Variants in TTC27 observed in about 807,000 individuals in gnomAD.
The protein encoded by TTC27 is tetratricopeptide repeat domain 27, also known as tetratricopeptide repeat protein 27.
A neutral mutation model predicts 115.9 loss-of-function variants in TTC27; 79 were observed. The observed-to-expected ratio is 0.68, with a 90% CI of 0.57 to 0.82. The LOEUF is 0.82. Among genes scored for constraint, TTC27 ranks in the 40% least tolerant of loss-of-function variants. TTC27 has a pLI of 0.00. For synonymous variants in TTC27, 401 were observed against 356.0 expected, an observed-to-expected ratio of 1.13 and a Z score of -1.42; for missense variants, 1,054 against 993.1, an observed-to-expected ratio of 1.06 and a Z score of -0.82.
chr2:32,695,354 C>T (rs985371592), intron 9 of TTC27, among the ~76,000 whole-genome samples: 1 of 152,010 alleles, frequency 6.6e-6, no homozygotes, highest in African/African-American at 2.4e-5. Flanking sequence ...GAGGCCAAGG[C>T]GGGTGGATCA....
chr2:32,636,307 G>A (rs1410833843), intron 3 of TTC27, among the ~76,000 whole-genome samples: 4 of 151,984 alleles, frequency 2.6e-5, no homozygotes, highest in East Asian at 3.9e-4. Flanking sequence ...TCTGCCTCCC[G>A]GGTTCAAATG....
intron 13 of TTC27, among the ~76,000 whole-genome samples, chr2:32,766,848 C>T (rs768092514): frequency 2.0e-5 from 3 of 152,086 alleles, no homozygotes; most frequent in African/African-American, 4.8e-5. Flanking sequence ...TGCAGTGGTG[C>T]GATCTCTGCT....
At chr2:32,669,561 T>C (rs1381111955) in intron 7 of TTC27, among the ~76,000 whole-genome samples, 1 of 152,184 alleles carries the variant, frequency 6.6e-6, no homozygotes. Context: ...ATACCATTTA[T>C]AGTGATTACA....
chr2:32,628,255 C>T lies in TTC27; in HGVS notation c.-38C>T, dbSNP rs1244927698. The T allele has an allele frequency of 3.8e-6, 6 of 1,580,024 alleles. No individual in the cohort carries two copies. The African/African-American group carries it at 4.0e-5, about 11-fold the overall frequency. ...CTTTTGTTGACTCCCGTGTGGCCCT[C>T]GTGGGAGCCTGTTTTGGCTGCAGCG... On this transcript the variant is annotated 5_prime_UTR_variant, in exon 1 of 20. Transcript: ENST00000317907.
intron 10 of TTC27, among the ~76,000 whole-genome samples, chr2:32,716,064 G>A (rs1308642955): frequency 6.6e-6 from 1 of 152,048 alleles, no homozygotes; most frequent in South Asian, 2.1e-4. Flanking sequence ...TTTTCCTCTT[G>A]CTTGCCTTTC....
At chr2:32,686,795 G>A (rs959268710) in intron 9 of TTC27, among the ~76,000 whole-genome samples, 4 of 152,126 alleles carry the variant, frequency 2.6e-5, no homozygotes, top group African/African-American at 9.7e-5. Flanking sequence ...TTCTGGAGAT[G>A]ACTTTTTTGC....
rs577903628 is a variant in TTC27, at chr2:32,630,014, G to A, written c.89-509G>A. Among the ~76,000 whole-genome samples, 3 of 152,244 alleles carry A rather than the reference G, an allele frequency of 2.0e-5. No individual in the cohort carries two copies. The East Asian group carries it at 5.8e-4, about 29-fold the overall frequency. ...GACTTGAGCTGATTTTGGATTAAAG[G>A]GTAAGACTAACAAGTGGAGAAGAGT... is the stretch of plus-strand genomic sequence containing the variant. On this transcript the variant is annotated intron_variant, in intron 1 of 19. Transcript: ENST00000317907.
At chr2:32,810,834 C>T (rs1671293436) in intron 16 of TTC27, among the ~76,000 whole-genome samples, 190 bp from the exon 17 acceptor site, 1 of 152,166 alleles carries the variant, frequency 6.6e-6, no homozygotes, top group Non-Finnish European at 1.5e-5. Flanking sequence ...GAGAGGTAGT[C>T]ACCATGAGAT....
intron 12 of TTC27, among the ~76,000 whole-genome samples, chr2:32,738,049 C>T (rs1668503590): frequency 6.6e-6 from 1 of 152,036 alleles, no homozygotes; most frequent in Admixed American, 6.6e-5. Flanking sequence ...ATATTTTTAT[C>T]CTGGAAAAGA....
intron 16 of TTC27, among the ~76,000 whole-genome samples, chr2:32,795,455 C>T (rs1444811614): frequency 6.6e-6 from 1 of 151,792 alleles, no homozygotes; most frequent in Non-Finnish European, 1.5e-5. Context: ...GAAGCAGCCT[C>T]GACATAATAA....
chr2:32,798,657 A>G (rs192030916), intron 16 of TTC27, among the ~76,000 whole-genome samples: 5,913 of 149,346 alleles, frequency 0.04, 166 homozygotes, highest in Middle Eastern at 0.087. Flanking sequence ...GTGAGCCAAG[A>G]TTGCACCACT....
At chr2:32,703,112 T>C (rs1667246993) in intron 10 of TTC27, among the ~76,000 whole-genome samples, 192 bp downstream of exon 10, 1 of 152,236 alleles carries the variant, frequency 6.6e-6, no homozygotes, top group South Asian at 2.1e-4. Flanking sequence ...AGCAGCTCTG[T>C]GAACTCGGTA....
chr2:32,655,845 G>A (rs187430829), intron 5 of TTC27, among the ~76,000 whole-genome samples: 2 of 151,532 alleles, frequency 1.3e-5, no homozygotes, highest in African/African-American at 4.9e-5. Flanking sequence ...AACTAGAGCT[G>A]TACTATTCAA....
chr2:32,757,425 T>G (rs948494784), intron 12 of TTC27, among the ~76,000 whole-genome samples: 18 of 152,190 alleles, frequency 1.2e-4, no homozygotes, highest in Admixed American at 1.0e-3. Context: ...CTTTTATTCC[T>G]TGTTCCTTTC....
chr2:32,643,526 C>T (rs1361990824), intron 4 of TTC27, among the ~76,000 whole-genome samples: 8 of 151,774 alleles, frequency 5.3e-5, no homozygotes, highest in South Asian at 2.1e-4. Flanking sequence ...CAACTGGTCT[C>T]AAACTCCTGA....
chr2:32,688,148 G>A (rs1346335720), intron 9 of TTC27, among the ~76,000 whole-genome samples: 1 of 152,090 alleles, frequency 6.6e-6, no homozygotes, highest in Non-Finnish European at 1.5e-5. Flanking sequence ...TTCTGTAATT[G>A]AATTAAATGA....
At chr2:32,769,865 T>C (rs1017635182) in intron 13 of TTC27, among the ~76,000 whole-genome samples, 8 of 152,182 alleles carry the variant, frequency 5.3e-5, no homozygotes, top group African/African-American at 1.9e-4. Context: ...CAGGGGTTTA[T>C]ATAGGTTAAA....
chr2:32,805,105 C>A (rs1671084854), intron 16 of TTC27, among the ~76,000 whole-genome samples: 1 of 152,164 alleles, frequency 6.6e-6, no homozygotes, highest in South Asian at 2.1e-4. Context: ...TAACAGGATC[C>A]AGGACTCAGA....
intron 12 of TTC27, among the ~76,000 whole-genome samples, chr2:32,749,910 G>GA (rs538648268): frequency 7.3e-4 from 108 of 148,264 alleles, no homozygotes; most frequent in African/African-American, 2.0e-3. Context: ...GTAGAAATGG[G>GA]AAAAAAAAAA....
Sources: gnomAD v4.1 joint callset for allele counts (sites outside exome capture counted in the v4.1 genomes callset) on GRCh38, gnomAD v4.1.1 for gene constraint, MANE v1.5 for transcripts, NCBI Gene and HGNC (gene_info 2026-07-23, HGNC 2026-07-21) for gene names.